The following USP25 variants were observed in gnomAD, a reference collection of about 807,000 sequenced individuals.
USP25 encodes the protein ubiquitin carboxyl-terminal hydrolase 25.
A neutral mutation model predicts 158.5 loss-of-function variants in USP25; 85 were observed. The observed-to-expected ratio is 0.54, with a 90% CI of 0.45 to 0.64. USP25 has a LOEUF of 0.64. USP25 is among the 30% of genes least tolerant of loss of function. USP25 has a pLI of 0.00. For missense variants in USP25, 1,242 were observed against 1,327.3 expected, an observed-to-expected ratio of 0.94 and a Z score of 1.00; for synonymous variants, 464 against 460.4, an observed-to-expected ratio of 1.01 and a Z score of -0.10.
intron 8 of USP25, among the ~76,000 whole-genome samples, chr21:15,809,096 G>T (rs1044337975): frequency 3.3e-5 from 5 of 152,122 alleles, no homozygotes; most frequent in Non-Finnish European, 7.4e-5. Flanking sequence ...AGTCTTACAT[G>T]CCCAGTTCCT....
At chr21:15,825,769 A>G (rs1024217615) in intron 12 of USP25, among the ~76,000 whole-genome samples, 5 of 152,164 alleles carry the variant, frequency 3.3e-5, no homozygotes, top group African/African-American at 9.7e-5. Flanking sequence ...ATCAAATAGT[A>G]TATTGTATTT....
chr21:15,742,774 G>T (rs1744490516), intron 1 of USP25, among the ~76,000 whole-genome samples: 1 of 152,214 alleles, frequency 6.6e-6, no homozygotes, highest in South Asian at 2.1e-4. Context: ...CAGTGCCTCT[G>T]CCCAGGCTTT....
intron 4 of USP25, among the ~76,000 whole-genome samples, chr21:15,783,690 G>A (rs2035099599): frequency 6.6e-6 from 1 of 152,026 alleles, no homozygotes; most frequent in Admixed American, 6.5e-5. Context: ...GGGCGCAGTG[G>A]CTGATGCCTG....
intron 14 of USP25, among the ~76,000 whole-genome samples, chr21:15,830,256 T>C (rs1465180263): frequency 6.6e-6 from 1 of 152,190 alleles, no homozygotes; most frequent in African/African-American, 2.4e-5. Context: ...AAACTCTCCT[T>C]TATAGATTTG....
chr21:15,819,456 G>A (rs1287810686), intron 10 of USP25, among the ~76,000 whole-genome samples: 1 of 152,074 alleles, frequency 6.6e-6, no homozygotes, highest in East Asian at 1.9e-4. Context: ...GGGAGTTTTG[G>A]CACTGTAATA....
chr21:15,866,362 A>C lies in USP25; in HGVS notation c.2805+18A>C. 6.4e-7 allele frequency: 1 copy of C among 1,564,140 alleles called. No individual in the cohort carries two copies. The highest frequency in any genetic ancestry group is 8.7e-7 in the Non-Finnish European group (1 of 1,150,534). ...AATATGAGGTAATGTGCTTTCTTAGAGGTTAAACTACAGATTTAGGGATTC... is the reference window on the plus strand; with the variant it reads ...AATATGAGGTAATGTGCTTTCTTAGCGGTTAAACTACAGATTTAGGGATTC... On this transcript the variant is annotated intron_variant, in intron 22 of 25. Transcript: ENST00000400183.
chr21:15,766,060 C>T lies in USP25; in HGVS notation c.187C>T (p.Gln63Ter). ...FLTAKNAKTPQQEETTYYQTA... is the reference protein window; with the variant it reads ...FLTAKNAKTP ...TACTGCGAAGAATGCTAAGACCCCT[C>T]AGCAGGAGGAGACAACTTACTACCA... is the stretch of plus-strand genomic sequence containing the variant. The change falls in exon 3 of 26, where the codon CAG becomes TAG. Residue 63 changes from glutamine (Q) to a stop codon, truncating the protein, a stop_gained. Transcript: ENST00000400183. LOFTEE classifies it high-confidence loss of function. The surrounding 1 kb of genome is among the most constrained non-coding windows in gnomAD (Gnocchi z 4.0). 1.2e-6 allele frequency: 2 copies of T among 1,610,978 alleles called. No individual in the cohort carries two copies. Among genetic ancestry groups the T allele is most frequent in the Non-Finnish European group, 1.7e-6 (2 of 1,178,302 alleles).
chr21:15,810,907 C>T (rs2036625977), intron 8 of USP25, among the ~76,000 whole-genome samples: 1 of 152,202 alleles, frequency 6.6e-6, no homozygotes, highest in African/African-American at 2.4e-5. Flanking sequence ...ATTTTAACTC[C>T]TATGAGAGTC....
At chr21:15,832,932 C>A (rs1452319501) in intron 16 of USP25, among the ~76,000 whole-genome samples, 1 of 151,978 alleles carries the variant, frequency 6.6e-6, no homozygotes, top group African/African-American at 2.4e-5. Context: ...GCGGGAGAAT[C>A]GTCTGAACCC....
chr21:15,778,310 A>G (rs1218017648), intron 4 of USP25, among the ~76,000 whole-genome samples: 1 of 151,778 alleles, frequency 6.6e-6, no homozygotes, highest in African/African-American at 2.4e-5. Context: ...TCTTTTTTGG[A>G]TGCACTGTCC....
rs1369869345 is a variant in USP25 at position 15,816,079 on chromosome 21, C to T, written c.932-2619C>T. On this transcript the variant is annotated intron_variant, in intron 9 of 25. Coordinates refer to ENST00000400183, the MANE Select transcript of USP25 (RefSeq NM_001283041.3). The surrounding 1 kb of genome is among the most constrained non-coding windows in gnomAD (Gnocchi z 4.0). Reference sequence around the variant, plus strand: ...TAAATCTCAACTTGAATTATATCTCCCAGAGTTCCCACATGTTGTGGGAGG... The same window carrying T: ...TAAATCTCAACTTGAATTATATCTCTCAGAGTTCCCACATGTTGTGGGAGG... Among the ~76,000 whole-genome samples the T allele has an allele frequency of 1.3e-5, 2 of 152,096 alleles. No homozygotes were observed. Among genetic ancestry groups the T allele is most frequent in the African/African-American group, 4.8e-5 (2 of 41,416 alleles).
intron 4 of USP25, among the ~76,000 whole-genome samples, chr21:15,783,178 A>C (rs1327438443): frequency 6.6e-6 from 1 of 151,936 alleles, no homozygotes. Context: ...ACTTGAAGAC[A>C]GATCGTTTGA....
chr21:15,852,831 CCTAT>C (rs1294888048), intron 20 of USP25, among the ~76,000 whole-genome samples: 1 of 152,036 alleles, frequency 6.6e-6, no homozygotes, highest in Non-Finnish European at 1.5e-5. Context: ...TACATTTGCA[CCTAT>C]CTGTGATTGA....
At chr21:15,811,032 C>T in intron 8 of USP25, 105 bp from the exon 9 acceptor site, 1 of 947,154 alleles carries the variant, frequency 1.1e-6, no homozygotes, top group Non-Finnish European at 1.6e-6. Flanking sequence ...TGCGTGATAG[C>T]CACATAAGTG....
rs548058579 is a variant in USP25, at chr21:15,800,571, G to A, written c.642+728G>A. Among the ~76,000 whole-genome samples the A allele has an allele frequency of 3.4e-4, 52 of 151,064 alleles. No individual in the cohort carries two copies. In the South Asian group the frequency reaches 3.6e-3, roughly 10 times the overall value. ...AAAAGACTTATTTTAAAAAGAACCA[G>A]TTTGCACACAGAATTTATACCTAAT... On this transcript the variant is annotated intron_variant, in intron 6 of 25. Coordinates refer to ENST00000400183, the MANE Select transcript of USP25 (RefSeq NM_001283041.3).
chr21:15,815,260 T>C (rs1601004250), intron 9 of USP25, among the ~76,000 whole-genome samples: 1 of 152,172 alleles, frequency 6.6e-6, no homozygotes, highest in East Asian at 1.9e-4. Context: ...GGCAGAAGTT[T>C]GCTACAGAGT....
intron 1 of USP25, among the ~76,000 whole-genome samples, chr21:15,751,906 G>A (rs900063752): frequency 5.3e-5 from 8 of 152,116 alleles, no homozygotes; most frequent in Non-Finnish European, 1.2e-4. Context: ...CTAATTAATA[G>A]GGATGGGGAA....
rs189252310 is a variant in USP25, at chr21:15,744,691, C to T, written c.45+14253C>T. Among the ~76,000 whole-genome samples, 1,206 of 152,050 alleles carry T rather than the reference C, an allele frequency of 7.9e-3. 4 individuals carry two copies. The highest frequency in any genetic ancestry group is 0.014 in the Middle Eastern group (4 of 294). On this transcript the variant is annotated intron_variant, in intron 1 of 25. Coordinates refer to ENST00000400183, the MANE Select transcript of USP25 (RefSeq NM_001283041.3). ...GCAGCCCCCACCTCCCAGGTTCAAG[C>T]GATTCTCCTGCCCCAACCTCCTGAG...
At chr21:15,813,309 A>G (rs2036767049) in intron 9 of USP25, among the ~76,000 whole-genome samples, 1 of 152,222 alleles carries the variant, frequency 6.6e-6, no homozygotes, top group African/African-American at 2.4e-5. Flanking sequence ...TCTTTACCTC[A>G]GATTTCATAG....
Sources: gnomAD v4.1 joint callset for allele counts (sites outside exome capture counted in the v4.1 genomes callset) on GRCh38, gnomAD v4.1.1 for gene constraint, Gnocchi (gnomAD v3.1) non-coding constraint, MANE v1.5 for transcripts, NCBI Gene and HGNC (gene_info 2026-07-23, HGNC 2026-07-21) for gene names.